Variants in DNER observed in about 807,000 individuals in gnomAD.
DNER encodes the protein delta/notch like EGF repeat containing.
In DNER, 33 loss-of-function variants were observed where a neutral mutation model predicts 78.2. That is an observed-to-expected ratio of 0.42 (90% CI 0.32 to 0.56). DNER has a LOEUF of 0.56. Among genes scored for constraint, DNER ranks in the 20% least tolerant of loss-of-function variants. DNER has a pLI of 0.11. For missense variants in DNER, 918 were observed against 975.3 expected (o/e 0.94, Z 0.78); for synonymous variants, 417 against 384.8 (o/e 1.08, Z -0.98).
chr2:229,672,626 AAGAG>A (rs1482940560), intron 1 of DNER, among the ~76,000 whole-genome samples: 1 of 151,352 alleles, frequency 6.6e-6, no homozygotes, highest in Non-Finnish European at 1.5e-5. Context: ...GAAGAAGAGA[AAGAG>A]AGAAAGATAG....
At chr2:229,634,228 T>C (rs1698489942) in intron 1 of DNER, among the ~76,000 whole-genome samples, 1 of 152,176 alleles carries the variant, frequency 6.6e-6, no homozygotes, top group Non-Finnish European at 1.5e-5. Flanking sequence ...ATAATAGCTA[T>C]GTCTGAGTTA....
At chr2:229,668,517 T>TATATATACTTACCTATATATAG (rs1491497801) in intron 1 of DNER, among the ~76,000 whole-genome samples, 1 of 53,390 alleles carries the variant, frequency 1.9e-5, no homozygotes, top group Non-Finnish European at 3.1e-5. Flanking sequence ...TAGGTAAGTA[T>TATATATACTTACCTATATATAG]GTGTGTGTGT....
chr2:229,511,074 T>G (rs1695856410), intron 6 of DNER, among the ~76,000 whole-genome samples: 2 of 152,158 alleles, frequency 1.3e-5, no homozygotes, highest in Non-Finnish European at 2.9e-5. Flanking sequence ...TAGGTGGGAA[T>G]AGATAAGTAA....
intron 1 of DNER, among the ~76,000 whole-genome samples, chr2:229,645,532 A>G (rs1188559627): frequency 1.3e-5 from 2 of 152,180 alleles, no homozygotes; most frequent in African/African-American, 4.8e-5. Context: ...AGCTACTGCA[A>G]ATATGTTCAC....
chr2:229,492,046 C>G (rs1574867532), intron 6 of DNER, among the ~76,000 whole-genome samples: 1 of 152,134 alleles, frequency 6.6e-6, no homozygotes, highest in African/African-American at 2.4e-5. Flanking sequence ...TACACAAATG[C>G]ATATGCATAT....
rs1446032225 is a variant in DNER at position 229,498,771 on chromosome 2, T to C, written c.1147+14012A>G. Among the ~76,000 whole-genome samples the C allele has an allele frequency of 8.5e-5, 13 of 152,070 alleles. 1 individual carries two copies. Among genetic ancestry groups the C allele is most frequent in the Admixed American group, 8.5e-4 (13 of 15,270 alleles). On this transcript the variant is annotated intron_variant, in intron 6 of 12. Coordinates refer to ENST00000341772, the MANE Select transcript of DNER (RefSeq NM_139072.4). ...ACAAAAAAATTGAAGAAGACAAAAA[T>C]AAATGGAAAGATTTCCTGTGTTCAT...
In DNER at chr2:229,391,687, G is replaced by A. The variant is rs567350797; in HGVS notation, c.1724-3291C>T. Reference sequence around the variant, plus strand: ...CTCCCCAGTAGCTGGGATTACAGGCGTGTGCCACCATGCCCAGTGAATTTT... The same window carrying A: ...CTCCCCAGTAGCTGGGATTACAGGCATGTGCCACCATGCCCAGTGAATTTT... On this transcript the variant is annotated intron_variant, in intron 10 of 12. Coordinates refer to ENST00000341772, the MANE Select transcript of DNER (RefSeq NM_139072.4). 2.1e-3 allele frequency among the ~76,000 whole-genome samples: 317 copies of A among 152,168 alleles called. 2 individuals are homozygous for A. Among genetic ancestry groups the A allele is most frequent in the Middle Eastern group, 0.02 (6 of 294 alleles).
intron 6 of DNER, among the ~76,000 whole-genome samples, chr2:229,508,054 C>T (rs950439032): frequency 4.3e-4 from 66 of 152,032 alleles, no homozygotes; most frequent in African/African-American, 1.5e-3. Context: ...GATAATGGCA[C>T]ATAAACATAT....
intron 1 of DNER, among the ~76,000 whole-genome samples, chr2:229,675,049 C>T (rs1054588801): frequency 2.6e-5 from 4 of 152,206 alleles, no homozygotes; most frequent in African/African-American, 9.7e-5. Context: ...CTGTTCAAAG[C>T]ACAGGCAGTG....
intron 12 of DNER, among the ~76,000 whole-genome samples, chr2:229,364,796 T>C (rs1431496484): frequency 6.6e-6 from 1 of 151,838 alleles, no homozygotes; most frequent in Non-Finnish European, 1.5e-5. Flanking sequence ...TCTTAGCTTC[T>C]ATGCCATTCA....
chr2:229,662,705 G>C (rs1011542939), intron 1 of DNER, among the ~76,000 whole-genome samples: 1 of 152,148 alleles, frequency 6.6e-6, no homozygotes, highest in Non-Finnish European at 1.5e-5. Flanking sequence ...GGCCTCTGCT[G>C]ACCAGAACAG....
At chr2:229,517,819 A>G (rs971473214) in intron 5 of DNER, among the ~76,000 whole-genome samples, 8 of 152,226 alleles carry the variant, frequency 5.3e-5, no homozygotes. Flanking sequence ...CGAACACGGC[A>G]GGTCCCACAG....
intron 8 of DNER, among the ~76,000 whole-genome samples, chr2:229,442,844 G>C (rs1045087700): frequency 6.6e-6 from 1 of 151,922 alleles, no homozygotes; most frequent in Non-Finnish European, 1.5e-5. Flanking sequence ...CACATGTAAG[G>C]CATATGTAGA....
At chr2:229,459,772 A>G (rs951128868) in intron 7 of DNER, among the ~76,000 whole-genome samples, 4 of 151,708 alleles carry the variant, frequency 2.6e-5, no homozygotes, top group Non-Finnish European at 5.9e-5. Flanking sequence ...TCAGCTGGGC[A>G]TGGTGGTGTG....
chr2:229,625,907 G>GT, intron 1 of DNER, among the ~76,000 whole-genome samples: 1 of 104,552 alleles, frequency 9.6e-6, no homozygotes, highest in African/African-American at 3.0e-5. Flanking sequence ...TTTTGTTGTT[G>GT]TTGTTGTTGT....
rs1381261879 is a variant in DNER at position 229,447,395 on chromosome 2, A to T, written c.1407T>A (p.Ile469=). The change falls in exon 8 of 13, where the codon ATT becomes ATA. Residue 469 remains isoleucine, a synonymous_variant. Transcript: ENST00000341772. ...CACAGGGGCTGAGGGCACAGAAGTCAATAAGCTGGGCACAGGTCGGCCCTG... is the reference window on the plus strand; with the variant it reads ...CACAGGGGCTGAGGGCACAGAAGTCTATAAGCTGGGCACAGGTCGGCCCTG... ...GFTGPTCAQL[I]DFCALSPCAH... 6.2e-7 allele frequency: 1 copy of T among 1,613,622 alleles called. No homozygotes were observed. The highest frequency in any genetic ancestry group is 2.2e-5 in the East Asian group (1 of 44,862).
At chr2:229,699,369 T>C (rs373027509) in intron 1 of DNER, among the ~76,000 whole-genome samples, 1 of 152,164 alleles carries the variant, frequency 6.6e-6, no homozygotes. Context: ...ATTGTACTTT[T>C]TTTGTTGTTT....
chr2:229,638,515 C>T lies in DNER; in HGVS notation c.277-46627G>A, dbSNP rs910642472. ...ACTGAATACCCGTATGAAAAACATT[C>T]GCTTGGTGCACAAATCTCCTTTTCA... On this transcript the variant is annotated intron_variant, in intron 1 of 12. Transcript: ENST00000341772. Among the ~76,000 whole-genome samples, 10 of 152,234 alleles carry T rather than the reference C, an allele frequency of 6.6e-5. No individual in the cohort carries two copies. In the East Asian group the frequency reaches 1.5e-3, roughly 24 times the overall value.
At chr2:229,562,526 T>C (rs902674512) in intron 4 of DNER, among the ~76,000 whole-genome samples, 18 of 152,196 alleles carry the variant, frequency 1.2e-4, no homozygotes, top group African/African-American at 4.1e-4. Context: ...ATTACAGAAG[T>C]GGTAATTGCC....
Sources: gnomAD v4.1 joint callset for allele counts (sites outside exome capture counted in the v4.1 genomes callset) on GRCh38, gnomAD v4.1.1 for gene constraint, MANE v1.5 for transcripts, NCBI Gene and HGNC (gene_info 2026-07-23, HGNC 2026-07-21) for gene names.